The following DEPDC1B variants were observed in gnomAD, a reference collection of about 807,000 sequenced individuals.
The protein encoded by DEPDC1B is DEP domain containing 1B.
DEPDC1B carries 51 observed loss-of-function variants against 66.5 expected under a neutral mutation model. The ratio of observed to expected loss-of-function variants is 0.77; its 90% confidence interval spans 0.61 to 0.97. The LOEUF (loss-of-function observed/expected upper bound fraction) is 0.97. Among genes scored for constraint, DEPDC1B ranks in the 50% least tolerant of loss-of-function variants. DEPDC1B has a pLI of 0.00. For synonymous variants in DEPDC1B, 226 were observed against 223.6 expected (o/e 1.01, Z -0.10); for missense variants, 552 against 637.1 (o/e 0.87, Z 1.44).
At chr5:60,690,281 T>C (rs955533638) in intron 1 of DEPDC1B, among the ~76,000 whole-genome samples, 19 of 152,128 alleles carry the variant, frequency 1.2e-4, no homozygotes, top group Non-Finnish European at 1.5e-4. Flanking sequence ...AAGCGTGGAA[T>C]AGCCACAAAA....
intron 7 of DEPDC1B, among the ~76,000 whole-genome samples, chr5:60,635,814 TC>T (rs1485183236): frequency 1.3e-5 from 2 of 152,294 alleles, no homozygotes; most frequent in African/African-American, 4.8e-5. Context: ...CTGATGTGAA[TC>T]TCCCATTTCT....
chr5:60,634,760 G>A lies in DEPDC1B; in HGVS notation c.898+3990C>T, dbSNP rs140960213. Among the ~76,000 whole-genome samples, 634 of 151,880 alleles carry A rather than the reference G, an allele frequency of 4.2e-3. 8 individuals carry two copies. The highest frequency in any genetic ancestry group is 0.015 in the African/African-American group (610 of 41,462). On this transcript the variant is annotated intron_variant, in intron 7 of 10. Transcript: ENST00000265036. ...TTAGTTACAGCCAGGTAATACCTAGGCATTTCCCTAAATTTCCACCTTTAA... is the reference window on the plus strand; with the variant it reads ...TTAGTTACAGCCAGGTAATACCTAGACATTTCCCTAAATTTCCACCTTTAA...
chr5:60,661,283 GA>G (rs1360056905), intron 2 of DEPDC1B, among the ~76,000 whole-genome samples: 36 of 152,260 alleles, frequency 2.4e-4, no homozygotes, highest in African/African-American at 7.9e-4. Context: ...AGAAAAGCAG[GA>G]AAAGGGGTGC....
chr5:60,642,981 C>A, intron 5 of DEPDC1B, 122 bp from the exon 6 acceptor site: 2 of 683,092 alleles, frequency 2.9e-6, no homozygotes, highest in South Asian at 2.1e-5. Flanking sequence ...AATCACAAAT[C>A]ACCAATTTAT....
chr5:60,685,318 CA>C (rs1754389095), intron 2 of DEPDC1B, among the ~76,000 whole-genome samples: 1 of 150,052 alleles, frequency 6.7e-6, no homozygotes, highest in African/African-American at 2.5e-5. Flanking sequence ...AGGTAATTGG[CA>C]AAAGTTGGTG....
At position 60,597,914 on chromosome 5, in the gene DEPDC1B, A is replaced by G. The variant is rs756307854; in HGVS notation, c.1429T>C (p.Phe477Leu). 6.3e-7 allele frequency: 1 copy of G among 1,590,914 alleles called. No homozygotes were observed. Among genetic ancestry groups the G allele is most frequent in the East Asian group, 2.2e-5 (1 of 44,516 alleles). Residue 477 changes from phenylalanine (F) to leucine (L), a missense_variant and splice_region_variant, in exon 11 of 11, where the codon TTT becomes CTT. By Grantham distance (22) the Phe-to-Leu change is conservative (BLOSUM62 0). Coordinates refer to ENST00000265036, the MANE Select transcript of DEPDC1B (RefSeq NM_018369.3). ...TAGACTTCAGGATAGGATTTCTGAA[A>G]CTAAAAAAATGAATGGTCCAAGAAG... is the stretch of plus-strand genomic sequence containing the variant. ...NKEKKKKLKQ[F>L]QKSYPEVYQE... is the part of the protein sequence containing the mutation.
intron 9 of DEPDC1B, among the ~76,000 whole-genome samples, chr5:60,601,118 C>A (rs887454928): frequency 1.3e-5 from 2 of 152,218 alleles, no homozygotes; most frequent in Non-Finnish European, 2.9e-5. Context: ...GGGGCCTCCC[C>A]AGCCATGCTG....
At chr5:60,624,277 C>T (rs1291163027) in intron 7 of DEPDC1B, among the ~76,000 whole-genome samples, 9 of 152,080 alleles carry the variant, frequency 5.9e-5, no homozygotes, top group Non-Finnish European at 1.0e-4. Context: ...TTCATCCTAT[C>T]GATATGATGA....
At chr5:60,644,641 A>G in intron 5 of DEPDC1B, 104 bp downstream of exon 5, 1 of 949,848 alleles carries the variant, frequency 1.1e-6, no homozygotes, top group African/African-American at 1.7e-5. Flanking sequence ...GTAATGAAGG[A>G]ACAAACTTAT....
At chr5:60,634,337 C>A (rs79524768) in intron 7 of DEPDC1B, among the ~76,000 whole-genome samples, 8,964 of 152,202 alleles carry the variant, frequency 0.059, 291 homozygotes, top group Middle Eastern at 0.075. Context: ...TATCTGCAAT[C>A]GTGAATCTTG....
At chr5:60,602,832 C>G (rs146106093) in intron 9 of DEPDC1B, among the ~76,000 whole-genome samples, 1 of 152,096 alleles carries the variant, frequency 6.6e-6, no homozygotes, top group East Asian at 1.9e-4. Context: ...CAGAGTCACA[C>G]GACAGAAAGG....
chr5:60,690,033 C>T (rs374846093), intron 1 of DEPDC1B, among the ~76,000 whole-genome samples: 15 of 152,044 alleles, frequency 9.9e-5, no homozygotes, highest in African/African-American at 3.4e-4. Context: ...CCAGCCTGAG[C>T]GACAGAGTAA....
chr5:60,600,842 C>T (rs1314223064), intron 9 of DEPDC1B, among the ~76,000 whole-genome samples: 2 of 152,218 alleles, frequency 1.3e-5, no homozygotes, highest in Admixed American at 1.3e-4. Context: ...CAGGGCAACA[C>T]AGTTATTGCT....
chr5:60,672,378 G>T (rs1754061298), intron 2 of DEPDC1B, among the ~76,000 whole-genome samples: 1 of 152,204 alleles, frequency 6.6e-6, no homozygotes, highest in Non-Finnish European at 1.5e-5. Context: ...GGCTGGGGAG[G>T]CCTCGGGAAA....
At chr5:60,630,077 A>T (rs1440852958) in intron 7 of DEPDC1B, among the ~76,000 whole-genome samples, 1 of 152,134 alleles carries the variant, frequency 6.6e-6, no homozygotes, top group African/African-American at 2.4e-5. Flanking sequence ...ATCATTTCTG[A>T]TATTAAGTTT....
At chr5:60,658,762 T>C (rs1753636977) in intron 2 of DEPDC1B, among the ~76,000 whole-genome samples, 1 of 152,162 alleles carries the variant, frequency 6.6e-6, no homozygotes, top group Admixed American at 6.5e-5. Context: ...GCAACCCCCT[T>C]AGGGTCCCCT....
Position 60,625,369 on chromosome 5 carries a change from A to C in DEPDC1B, c.898+13381T>G, listed in dbSNP as rs143660459. Among the ~76,000 whole-genome samples the C allele has an allele frequency of 1.7e-3, 259 of 152,276 alleles. 2 individuals are homozygous for C. Among genetic ancestry groups the C allele is most frequent in the African/African-American group, 6.0e-3 (251 of 41,554 alleles). On this transcript the variant is annotated intron_variant, in intron 7 of 10. Transcript: ENST00000265036. ...ATTTACACTTCCACCAACAGTGTAA[A>C]AGCGTTCCTATTTTTCCACATCCTC...
intron 7 of DEPDC1B, among the ~76,000 whole-genome samples, chr5:60,621,203 G>T (rs1188749512): frequency 6.6e-6 from 1 of 151,848 alleles, no homozygotes; most frequent in East Asian, 1.9e-4. Context: ...ACGAGTTAAT[G>T]GGTGCAGCAC....
chr5:60,659,075 T>A (rs991944371), intron 2 of DEPDC1B, among the ~76,000 whole-genome samples: 1 of 152,186 alleles, frequency 6.6e-6, no homozygotes, highest in Non-Finnish European at 1.5e-5. Flanking sequence ...GGTTCCACAG[T>A]TCTCTTCCAT....
Sources: gnomAD v4.1 joint callset for allele counts (sites outside exome capture counted in the v4.1 genomes callset) on GRCh38, gnomAD v4.1.1 for gene constraint, MANE v1.5 for transcripts, NCBI Gene and HGNC (gene_info 2026-07-23, HGNC 2026-07-21) for gene names.